Variants in HECW1 observed in about 807,000 individuals in gnomAD.
The protein encoded by HECW1 is HECT, C2 and WW domain containing E3 ubiquitin protein ligase 1, also known as E3 ubiquitin-protein ligase HECW1.
A neutral mutation model predicts 182.3 loss-of-function variants in HECW1; 61 were observed. The ratio of observed to expected loss-of-function variants is 0.33; its 90% CI spans 0.27 to 0.41. The LOEUF is 0.41. Among genes scored for constraint, HECW1 ranks in the 10% least tolerant of loss-of-function variants. The probability of loss-of-function intolerance (pLI) is 1.00; values close to 1 mark genes in which losing one functional copy is unlikely to be tolerated. For synonymous variants in HECW1, 859 were observed against 832.6 expected, an observed-to-expected ratio of 1.03 and a Z score of -0.55; for missense variants, 1,739 against 2,108.9, an observed-to-expected ratio of 0.82 and a Z score of 3.44.
chr7:43,467,901 G>A (rs1446833204), intron 15 of HECW1, among the ~76,000 whole-genome samples: 2 of 152,106 alleles, frequency 1.3e-5, no homozygotes, highest in Non-Finnish European at 2.9e-5. Context: ...TTTTTAGCAG[G>A]TTATTTCTGA....
chr7:43,298,270 G>T (rs1266253868), intron 3 of HECW1, among the ~76,000 whole-genome samples: 2 of 152,170 alleles, frequency 1.3e-5, no homozygotes, highest in Non-Finnish European at 2.9e-5. Flanking sequence ...TAGAATATTT[G>T]GAGTTATTAA....
chr7:43,401,987 G>A (rs2075431762), intron 7 of HECW1, among the ~76,000 whole-genome samples: 1 of 151,994 alleles, frequency 6.6e-6, no homozygotes, highest in African/African-American at 2.4e-5. Flanking sequence ...AATGTTGAGA[G>A]GAGTTCAGTT....
At chr7:43,276,416 C>T (rs931244679) in intron 3 of HECW1, among the ~76,000 whole-genome samples, 6 of 150,958 alleles carry the variant, frequency 4.0e-5, no homozygotes, top group Admixed American at 1.3e-4. Flanking sequence ...CTCACACAGT[C>T]GTTTGTAGAA....
intron 29 of HECW1, among the ~76,000 whole-genome samples, chr7:43,557,883 A>G (rs896621868): frequency 2.0e-5 from 3 of 152,218 alleles, no homozygotes; most frequent in Non-Finnish European, 4.4e-5. Flanking sequence ...TTTCTGCTCT[A>G]TCCTATTTCA....
At chr7:43,187,683 T>C (rs1793539742) in intron 2 of HECW1, among the ~76,000 whole-genome samples, 1 of 152,184 alleles carries the variant, frequency 6.6e-6, no homozygotes, top group Non-Finnish European at 1.5e-5. Context: ...AATCTTTAAA[T>C]AGTTGGATTT....
intron 2 of HECW1, among the ~76,000 whole-genome samples, chr7:43,209,241 C>T (rs780166400): frequency 1.3e-5 from 2 of 152,136 alleles, no homozygotes; most frequent in Non-Finnish European, 2.9e-5. Context: ...CCAGGCAAGA[C>T]CACATACGGC....
At chr7:43,229,374 GA>G (rs1562704734) in intron 2 of HECW1, among the ~76,000 whole-genome samples, 1 of 151,784 alleles carries the variant, frequency 6.6e-6, no homozygotes, top group African/African-American at 2.4e-5. Flanking sequence ...CACAGGAACA[GA>G]AAAAAACCAA....
chr7:43,456,180 CT>C (rs1214705146), intron 12 of HECW1, 116 bp from the exon 13 acceptor site: 4 of 1,047,978 alleles, frequency 3.8e-6, no homozygotes, highest in Non-Finnish European at 5.5e-6. Flanking sequence ...AGGGTCTGGC[CT>C]GCAGCCATGA....
At chr7:43,476,008 A>G (rs1330034512) in intron 16 of HECW1, among the ~76,000 whole-genome samples, 1 of 152,218 alleles carries the variant, frequency 6.6e-6, no homozygotes, top group African/African-American at 2.4e-5. Context: ...AAAGATTTCA[A>G]CCACCACTTC....
Position 43,456,411 on chromosome 7 carries a change from C to G in HECW1, c.2615C>G (p.Ser872Trp), listed in dbSNP as rs757952579. The G allele has an allele frequency of 6.4e-5, 104 of 1,613,940 alleles. No homozygotes were observed. The highest frequency in any genetic ancestry group is 8.2e-5 in the Non-Finnish European group (97 of 1,179,992). The change falls in exon 13 of 30, where the codon TCG becomes TGG. Residue 872 changes from serine to tryptophan, a missense_variant. Around this residue, in one of 5 missense-constraint regions of HECW1, gnomAD observed 971 missense variants for 1,029.1 expected, o/e 0.94. Coordinates refer to ENST00000395891, the MANE Select transcript of HECW1 (RefSeq NM_015052.5). ...AAATPDGMRR[S>W]GSIQQMEQLN... ...GCCACCCCGGATGGCATGCGGAGAT[C>G]GGGGTCCATCCAGCAGATGGAGCAA...
intron 3 of HECW1, among the ~76,000 whole-genome samples, chr7:43,290,618 G>T (rs1212680409): frequency 6.6e-6 from 1 of 152,212 alleles, no homozygotes; most frequent in Non-Finnish European, 1.5e-5. Flanking sequence ...CCAAGAGGGG[G>T]TCCATCCCGT....
At chr7:43,493,803 G>A (rs1236111051) in intron 19 of HECW1, among the ~76,000 whole-genome samples, 3 of 152,164 alleles carry the variant, frequency 2.0e-5, no homozygotes, top group Non-Finnish European at 4.4e-5. Flanking sequence ...GAGGCATGGG[G>A]GTTAAGAGTA....
At chr7:43,264,581 C>G (rs931458806) in intron 3 of HECW1, among the ~76,000 whole-genome samples, 1 of 152,090 alleles carries the variant, frequency 6.6e-6, no homozygotes, top group Non-Finnish European at 1.5e-5. Flanking sequence ...CGCGGTGGCT[C>G]ACGCCTGTAA....
chr7:43,456,014 AAAAG>A (rs1274731603), intron 12 of HECW1, among the ~76,000 whole-genome samples: 1 of 152,132 alleles, frequency 6.6e-6, no homozygotes. Context: ...AAGAAAAAAA[AAAAG>A]AAAGTATTAG....
chr7:43,354,135 AAG>A (rs1014907794), intron 5 of HECW1, among the ~76,000 whole-genome samples: 2 of 152,138 alleles, frequency 1.3e-5, no homozygotes, highest in African/African-American at 4.8e-5. Context: ...AAAAAAAAGA[AAG>A]ATATCAACAG....
chr7:43,270,648 C>T (rs1263698061), intron 3 of HECW1, among the ~76,000 whole-genome samples: 1 of 152,068 alleles, frequency 6.6e-6, no homozygotes, highest in Admixed American at 6.6e-5. Context: ...CAGGGGCTGG[C>T]AAAAACTCTA....
At chr7:43,407,132 A>G (rs1408263005) in intron 7 of HECW1, among the ~76,000 whole-genome samples, 1 of 152,076 alleles carries the variant, frequency 6.6e-6, no homozygotes, top group Non-Finnish European at 1.5e-5. Flanking sequence ...AGGGTTTCTC[A>G]GAACTCTCCT....
chr7:43,419,422 A>T (rs1348852763), intron 8 of HECW1, among the ~76,000 whole-genome samples: 6 of 152,210 alleles, frequency 3.9e-5, no homozygotes, highest in African/African-American at 1.4e-4. Context: ...CAACAAATGT[A>T]TTTTGTAGCA....
At chr7:43,402,362 G>A (rs373927824) in intron 7 of HECW1, among the ~76,000 whole-genome samples, 25 of 152,238 alleles carry the variant, frequency 1.6e-4, no homozygotes, top group East Asian at 1.4e-3. Flanking sequence ...GCACCTGCCC[G>A]TCTGCATGCT....
Sources: allele counts gnomAD v4.1 joint callset (sites outside exome capture counted in the v4.1 genomes callset), GRCh38; gene constraint gnomAD v4.1.1; regional missense constraint gnomAD v4.1.1; transcripts MANE v1.5; gene names NCBI Gene and HGNC (gene_info 2026-07-23, HGNC 2026-07-21).